The following LYPD1 variants were observed in gnomAD, a reference collection of about 807,000 sequenced individuals.
LYPD1 encodes the protein LY6/PLAUR domain containing 1.
LYPD1 carries 14 observed loss-of-function variants against 14.2 expected under a neutral mutation model. The ratio of observed to expected loss-of-function variants is 0.99; its 90% confidence interval spans 0.65 to 1.54. LYPD1 has a LOEUF of 1.54. LYPD1 is among the 40% of genes most tolerant of loss of function. The pLI, the probability that LYPD1 is intolerant of heterozygous loss-of-function variation, is 0.00. For missense variants in LYPD1, 165 were observed against 175.7 expected, an observed-to-expected ratio of 0.94 and a Z score of 0.34; for synonymous variants, 85 against 70.6, an observed-to-expected ratio of 1.20 and a Z score of -1.02.
chr2:132,666,048 G>A (rs72985884), intron 2 of LYPD1, among the ~76,000 whole-genome samples: 2,129 of 152,240 alleles, frequency 0.014, 61 homozygotes, highest in African/African-American at 0.048. Flanking sequence ...ATGCTGACTG[G>A]CTGTGGCATG....
chr2:132,653,601 G>T (rs527827318), intron 2 of LYPD1, among the ~76,000 whole-genome samples: 131 of 152,236 alleles, frequency 8.6e-4, no homozygotes, highest in Non-Finnish European at 1.4e-3. Flanking sequence ...TGAAATTATT[G>T]GCCAAAGTTG....
chr2:132,649,018 T>C (rs1682254417), intron 2 of LYPD1, among the ~76,000 whole-genome samples: 1 of 152,110 alleles, frequency 6.6e-6, no homozygotes, highest in African/African-American at 2.4e-5. Context: ...AGATTGGATG[T>C]GATTAAAGAT....
chr2:132,661,550 A>G (rs1682940195), intron 2 of LYPD1, among the ~76,000 whole-genome samples: 1 of 152,162 alleles, frequency 6.6e-6, no homozygotes, highest in African/African-American at 2.4e-5. Context: ...ACATCTACCT[A>G]TGGAATAAAA....
In LYPD1 at chr2:132,669,003, A is replaced by G. The variant is rs1242284717; in HGVS notation, c.53-466T>C. 6.6e-6 allele frequency among the ~76,000 whole-genome samples: 1 copy of G among 152,300 alleles called. No individual in the cohort carries two copies. Among genetic ancestry groups the G allele is most frequent in the East Asian group, 1.9e-4 (1 of 5,180 alleles). Reference sequence around the variant, plus strand: ...TTTAGTTTTTATTTATTTAATTTTTAAAGTCAGCGTTTCTGTGCCAGGGCT... The same window carrying G: ...TTTAGTTTTTATTTATTTAATTTTTGAAGTCAGCGTTTCTGTGCCAGGGCT... On this transcript the variant is annotated intron_variant, in intron 1 of 2. Transcript: ENST00000397463. This position sits in a 1 kb window ranked among gnomAD's most constrained non-coding sequence, Gnocchi z 4.3.
In LYPD1 at chr2:132,643,733, G is replaced by T. The variant is rs1681918050; in HGVS notation, c.*2312C>A. Among the ~76,000 whole-genome samples, 1 of 152,110 alleles carries T rather than the reference G, an allele frequency of 6.6e-6. No homozygotes were observed. The highest frequency in any genetic ancestry group is 6.5e-5 in the Admixed American group (1 of 15,274). ...TGGGGTCTTGCTATGTTGCCTAGGT[G>T]GGTCTCAAATTTCTAGGCTTAAGTG... On this transcript the variant is annotated 3_prime_UTR_variant, in exon 3 of 3. Coordinates refer to ENST00000397463, the MANE Select transcript of LYPD1 (RefSeq NM_144586.7).
At chr2:132,655,319 G>A (rs1354313234) in intron 2 of LYPD1, among the ~76,000 whole-genome samples, 1 of 152,006 alleles carries the variant, frequency 6.6e-6, no homozygotes, top group African/African-American at 2.4e-5. Context: ...GACTTTCTCA[G>A]TAGCAATGGT....
At position 132,669,962 on chromosome 2, in the gene LYPD1, C is replaced by T; in HGVS notation, c.-30G>A. The T allele has an allele frequency of 1.9e-6, 3 of 1,609,992 alleles. No homozygotes were observed. Among genetic ancestry groups the T allele is most frequent in the Non-Finnish European group, 1.7e-6 (2 of 1,179,046 alleles). On this transcript the variant is annotated 5_prime_UTR_variant, in exon 1 of 3. Transcript: ENST00000397463. This position sits in a 1 kb window ranked among gnomAD's most constrained non-coding sequence, Gnocchi z 4.3. ...CCGGAGTCCCGGGGCCGGGAGAGGG[C>T]AAGCGCATCAGAGGAGGCGACAGCA... is the stretch of plus-strand genomic sequence containing the variant.
In LYPD1 at chr2:132,645,305, T is replaced by C; in HGVS notation, c.*740A>G. The stretch of plus-strand genomic sequence containing the variant: ...GTGTCCTCGCAGCAGTTTCGGCGGG[T>C]GTTCGTGCAGGTGCTGTGCTGCCGC... On this transcript the variant is annotated 3_prime_UTR_variant, in exon 3 of 3. Coordinates refer to ENST00000397463, the MANE Select transcript of LYPD1 (RefSeq NM_144586.7). 3.1e-6 allele frequency: 5 copies of C among 1,613,758 alleles called. No homozygotes were observed. Among genetic ancestry groups the C allele is most frequent in the Non-Finnish European group, 4.2e-6 (5 of 1,179,918 alleles).
chr2:132,647,973 TGCATGTTTGTAGGGATTGA>T (rs1558874340), intron 2 of LYPD1, among the ~76,000 whole-genome samples: 2 of 152,318 alleles, frequency 1.3e-5, no homozygotes, highest in East Asian at 3.9e-4. Flanking sequence ...CCCCTCTAAC[TGCATGTTTGTAGGGATTGA>T]TTTTCTAAGA....
chr2:132,649,667 A>G (rs1277035734), intron 2 of LYPD1, among the ~76,000 whole-genome samples: 1 of 152,136 alleles, frequency 6.6e-6, no homozygotes, highest in African/African-American at 2.4e-5. Context: ...AGAGAGTCGA[A>G]GGCACCAAGG....
intron 2 of LYPD1, among the ~76,000 whole-genome samples, chr2:132,664,133 A>G (rs1187214028): frequency 6.6e-6 from 1 of 152,118 alleles, no homozygotes; most frequent in African/African-American, 2.4e-5. Context: ...AGGGACTATG[A>G]CAGGAATACA....
chr2:132,651,415 C>G (rs1682358421), intron 2 of LYPD1, among the ~76,000 whole-genome samples: 1 of 152,120 alleles, frequency 6.6e-6, no homozygotes, highest in African/African-American at 2.4e-5. Context: ...TTCCTTTAAC[C>G]AGGACCCCAT....
chr2:132,670,241 G>T (rs948251778), upstream of LYPD1: 2 of 695,296 alleles, frequency 2.9e-6, no homozygotes, highest in Non-Finnish European at 4.0e-6. The surrounding 1 kb of genome is among the most constrained non-coding windows in gnomAD (Gnocchi z 4.5). Context: ...CAAAAGTCTC[G>T]CCTTTTCTCC....
At chr2:132,668,352 C>G (rs747152284) in intron 2 of LYPD1, 48 bp downstream of exon 2, 2 of 1,546,666 alleles carry the variant, frequency 1.3e-6, no homozygotes, top group Non-Finnish European at 1.7e-6. Flanking sequence ...TCACTCCCAC[C>G]CCACAGCCCA....
chr2:132,645,163 G>A lies in LYPD1; in HGVS notation c.*882C>T. ...CAACCAGATTCGGAGGATCATGGCT[G>A]CGGCCAAACCCAAGCACGACTGGAC... On this transcript the variant is annotated 3_prime_UTR_variant, in exon 3 of 3. Transcript: ENST00000397463. The A allele has an allele frequency of 6.2e-7, 1 of 1,614,180 alleles. No homozygotes were observed. Among genetic ancestry groups the A allele is most frequent in the Non-Finnish European group, 8.5e-7 (1 of 1,180,038 alleles).
intron 2 of LYPD1, 140 bp from the exon 3 acceptor site, chr2:132,646,420 G>A (rs1463058924): frequency 4.5e-6 from 2 of 448,482 alleles, no homozygotes; most frequent in Non-Finnish European, 7.8e-6. Flanking sequence ...GAAGTGCTTC[G>A]GATTGTCTCA....
At chr2:132,650,715 T>TAAAAAAAA (rs869233095) in intron 2 of LYPD1, among the ~76,000 whole-genome samples, 1 of 102,886 alleles carries the variant, frequency 9.7e-6, no homozygotes, top group African/African-American at 3.4e-5. Flanking sequence ...CTCCTTCCTT[T>TAAAAAAAA]AAAAAAAAAA....
At chr2:132,650,729 A>AAC (rs1553463089) in intron 2 of LYPD1, among the ~76,000 whole-genome samples, 2,129 of 136,050 alleles carry the variant, frequency 0.016, 55 homozygotes, top group African/African-American at 0.07. Context: ...AAAAAAAAAC[A>AAC]AAAAACAAAA....
In LYPD1 at chr2:132,650,571, A is replaced by G. The variant is rs79208926; in HGVS notation, c.191-4291T>C. On this transcript the variant is annotated intron_variant, in intron 2 of 2. Coordinates refer to ENST00000397463, the MANE Select transcript of LYPD1 (RefSeq NM_144586.7). Reference sequence around the variant, plus strand: ...ATAGACCATCACTCTATCTATCACCAGGGAAGTGGTAAATTTCCAGTGTCT... The same window carrying G: ...ATAGACCATCACTCTATCTATCACCGGGGAAGTGGTAAATTTCCAGTGTCT... Among the ~76,000 whole-genome samples the G allele has an allele frequency of 2.7e-3, 409 of 152,328 alleles. 2 individuals are homozygous for G. The highest frequency in any genetic ancestry group is 9.4e-3 in the African/African-American group (389 of 41,584).
Sources: allele counts gnomAD v4.1 joint callset (sites outside exome capture counted in the v4.1 genomes callset), GRCh38; gene constraint gnomAD v4.1.1; non-coding constraint Gnocchi (gnomAD v3.1); transcripts MANE v1.5; gene names NCBI Gene and HGNC (gene_info 2026-07-23, HGNC 2026-07-21).